Variants in LRWD1 observed in about 807,000 individuals in gnomAD.
The protein encoded by LRWD1 is leucine-rich repeat and WD repeat-containing protein 1.
A neutral mutation model predicts 75.6 loss-of-function variants in LRWD1; 76 were observed. The ratio of observed to expected loss-of-function variants is 1.01; its 90% confidence interval spans 0.84 to 1.22. The LOEUF is 1.22. LRWD1 is among the 50% of genes most tolerant of loss of function. The probability of loss-of-function intolerance (pLI) is 0.00; values close to 1 mark genes in which losing one functional copy is unlikely to be tolerated. For synonymous variants in LRWD1, 487 were observed against 377.0 expected, an observed-to-expected ratio of 1.29 and a Z score of -3.38; for missense variants, 917 against 862.0, an observed-to-expected ratio of 1.06 and a Z score of -0.80.
Position 102,472,552 on chromosome 7 carries a change from G to C in LRWD1, c.1633G>C (p.Ala545Pro). Residue 545 changes from alanine (A) to proline (P), a missense_variant, in exon 13 of 15, where the codon GCG becomes CCG. By Grantham distance (27) the Ala-to-Pro change is conservative. Transcript: ENST00000292616. Reference sequence around the variant, plus strand: ...GTCCACGGTGGCAGTGGTGGTCCTGGCGCGGCTGCAATGGTCGTCCACCGA... The same window carrying C: ...GTCCACGGTGGCAGTGGTGGTCCTGCCGCGGCTGCAATGGTCGTCCACCGA... ...SQSTVAVVVL[A>P]RLQWSSTELA... 6.3e-7 allele frequency: 1 copy of C among 1,595,140 alleles called. No homozygotes were observed. The highest frequency in any genetic ancestry group is 8.5e-7 in the Non-Finnish European group (1 of 1,172,122).
At position 102,473,026 on chromosome 7, in the gene LRWD1, G is replaced by T; in HGVS notation, c.1921G>T (p.Val641Leu). ...YLTALTDSNIVAIWGRM is the reference protein window; with the variant it reads ...YLTALTDSNILAIWGRM ...CACCGCCCTGACGGACTCCAACATC[G>T]TAGCCATCTGGGGGAGGATGTAGCC... Residue 641 changes from valine (V) to leucine (L), a missense_variant, in exon 15 of 15, where the codon GTA becomes TTA. By Grantham distance (32) the Val-to-Leu change is conservative (BLOSUM62 1). Coordinates refer to ENST00000292616, the MANE Select transcript of LRWD1 (RefSeq NM_152892.3). 6.2e-7 allele frequency: 1 copy of T among 1,613,718 alleles called. No individual in the cohort carries two copies. Among genetic ancestry groups the T allele is most frequent in the Non-Finnish European group, 8.5e-7 (1 of 1,179,852 alleles).
At chr7:102,465,328 G>A in intron 1 of LRWD1, 168 bp downstream of exon 1, 1 of 692,298 alleles carries the variant, frequency 1.4e-6, no homozygotes, top group Middle Eastern at 4.4e-4. Flanking sequence ...CGCTCGCCGG[G>A]AGCCCCGAGG....
At chr7:102,467,291 G>A (rs763550672) in intron 3 of LRWD1, 48 bp from the exon 4 acceptor site, 25 of 1,551,054 alleles carry the variant, frequency 1.6e-5, no homozygotes, top group East Asian at 2.4e-5. Context: ...GGCTGGGTCC[G>A]GAGGAGCTGG....
At position 102,472,516 on chromosome 7, in the gene LRWD1, C is replaced by T. The variant is rs761200453; in HGVS notation, c.1597C>T (p.Arg533Trp). ...GAGCTGGAGGCAGACGTGGGGGGGCCGGGGCAGCCAGTCCACGGTGGCAGT... is the reference window on the plus strand; with the variant it reads ...GAGCTGGAGGCAGACGTGGGGGGGCTGGGGCAGCCAGTCCACGGTGGCAGT... ...LWSWRQTWGG[R>W]GSQSTVAVVV... The change falls in exon 13 of 15, where the codon CGG becomes TGG. Residue 533 changes from arginine (R) to tryptophan (W), a missense_variant. Physicochemically the swap from Arg to Trp is moderately radical, Grantham distance 101. Coordinates refer to ENST00000292616, the MANE Select transcript of LRWD1 (RefSeq NM_152892.3). The T allele has an allele frequency of 3.1e-5, 49 of 1,559,738 alleles. No individual in the cohort carries two copies. The highest frequency in any genetic ancestry group is 3.6e-5 in the Non-Finnish European group (41 of 1,153,714).
chr7:102,468,492 G>A (rs978347450), intron 7 of LRWD1, 62 bp from the exon 8 acceptor site: 9 of 1,543,366 alleles, frequency 5.8e-6, no homozygotes, highest in Middle Eastern at 1.7e-4. Context: ...GGAGGAGGCT[G>A]CAGGGAGGAC....
Position 102,472,516 on chromosome 7 carries a change from CG to C in LRWD1, c.1601del (p.Gly534AlafsTer53). The C allele has an allele frequency of 6.4e-7, 1 of 1,559,832 alleles. No individual in the cohort carries two copies. On this transcript the variant is annotated frameshift_variant, in exon 13 of 15. Coordinates refer to ENST00000292616, the MANE Select transcript of LRWD1 (RefSeq NM_152892.3). LOFTEE classifies it high-confidence loss of function. Reference protein sequence around the residue: ...LWSWRQTWGGRGSQSTVAVVV... With the variant: ...LWSWRQTWGGXGSQSTVAVVV... ...GAGCTGGAGGCAGACGTGGGGGGGC[CG>C]GGGCAGCCAGTCCACGGTGGCAGTG...
intron 5 of LRWD1, 59 bp downstream of exon 5, chr7:102,467,882 C>T (rs1563654951): frequency 2.6e-6 from 4 of 1,531,372 alleles, no homozygotes; most frequent in Non-Finnish European, 3.5e-6. Flanking sequence ...GGAGAAGCTT[C>T]AGGAGACCAA....
chr7:102,467,174 GTGTGTGT>G lies in LRWD1; in HGVS notation c.433-164_433-158del, dbSNP rs1563654249. Among the ~76,000 whole-genome samples the G allele has an allele frequency of 2.1e-4, 17 of 80,076 alleles. 1 individual carries two copies. Among genetic ancestry groups the G allele is most frequent in the Non-Finnish European group, 2.9e-4 (11 of 38,146 alleles). 52.5% of individuals were successfully genotyped at this position (80,076 alleles called of 152,430 possible). ...GTTGTTGCTGGGGTGTGTGTGGGGT[GTGTGTGT>G]GTGTGTGTGTGTGTGTGTGTGTGTG... On this transcript the variant is annotated intron_variant, in intron 3 of 14. Coordinates refer to ENST00000292616, the MANE Select transcript of LRWD1 (RefSeq NM_152892.3).
In LRWD1 at chr7:102,468,920, G is replaced by C. The variant is rs1586740671; in HGVS notation, c.1086G>C (p.Trp362Cys). 3.7e-6 allele frequency: 6 copies of C among 1,612,910 alleles called. No individual in the cohort carries two copies. The highest frequency in any genetic ancestry group is 1.6e-4 in the Middle Eastern group (1 of 6,084). Residue 362 changes from tryptophan (W) to cysteine (C), a missense_variant, in exon 9 of 15, where the codon TGG becomes TGC. Physicochemically the swap from Trp to Cys is radical, Grantham distance 215. Coordinates refer to ENST00000292616, the MANE Select transcript of LRWD1 (RefSeq NM_152892.3). ...CACAGGCTGGCCACAAGAAGCGCTG[G>C]AGTGTGCTGGCGGCTGCAGGCCTAC... ...VVTQAGHKKR[W>C]SVLAAAGLRG...
intron 11 of LRWD1, chr7:102,471,057 C>T (rs111504887): frequency 0.062 from 9,390 of 152,344 alleles, 327 homozygotes; most frequent in Non-Finnish European, 0.074. Context: ...CTCAGCCTCC[C>T]AAGTAGCTGG....
At chr7:102,468,722 T>C (rs1767881419) in intron 8 of LRWD1, 68 bp downstream of exon 8, 2 of 1,532,638 alleles carry the variant, frequency 1.3e-6, no homozygotes, top group Non-Finnish European at 1.8e-6. Flanking sequence ...AGCATGGGGA[T>C]GGATGCAGGC....
rs144573118 is a variant in LRWD1 at position 102,468,280 on chromosome 7, G to T, written c.822G>T (p.Glu274Asp). The change falls in exon 7 of 15, where the codon GAG (glutamate) becomes GAT (aspartate). Residue 274 changes from glutamate (E) to aspartate (D), a missense_variant. Coordinates refer to ENST00000292616, the MANE Select transcript of LRWD1 (RefSeq NM_152892.3). Reference protein sequence around the residue: ...SDGSQPAVKLEPLHFLQCHSK... With the variant: ...SDGSQPAVKLDPLHFLQCHSK... ...CCCCACAGCCTGCTGTGAAGCTGGA[G>T]CCCCTGCACTTCCTGCAGTGCCACA... is the stretch of plus-strand genomic sequence containing the variant. 3.1e-6 allele frequency: 5 copies of T among 1,610,016 alleles called. No individual in the cohort carries two copies. The highest frequency in any genetic ancestry group is 3.4e-6 in the Non-Finnish European group (4 of 1,178,570).
intron 5 of LRWD1, 90 bp from the exon 6 acceptor site, chr7:102,467,972 T>A: frequency 6.5e-7 from 1 of 1,541,148 alleles, no homozygotes; most frequent in East Asian, 2.3e-5. Context: ...CTGGGCCTCC[T>A]GCATCCGCAG....
chr7:102,472,836 G>A (rs1052191672), intron 14 of LRWD1, 32 bp downstream of exon 14: 8 of 1,612,136 alleles, frequency 5.0e-6, no homozygotes, highest in Non-Finnish European at 6.8e-6. Context: ...CCAGGCTTGG[G>A]CTGGCAAGGC....
In LRWD1 at chr7:102,465,135, C is replaced by T. The variant is rs1488364495; in HGVS notation, c.55C>T (p.Arg19Trp). Residue 19 changes from arginine to tryptophan, a missense_variant, in exon 1 of 15, where the codon CGG becomes TGG. By Grantham distance (101) the Arg-to-Trp change is moderately radical (BLOSUM62 -3). Coordinates refer to ENST00000292616, the MANE Select transcript of LRWD1 (RefSeq NM_152892.3). ...LMQRGRPKSD[R>W]LGKIRSLDLS... is the part of the protein sequence containing the mutation. ...GCAGCGCGGGCGCCCCAAGAGCGAC[C>T]GGCTGGGGAAGATCCGGAGTCTGGA... is the stretch of plus-strand genomic sequence containing the variant. The T allele has an allele frequency of 3.3e-6, 5 of 1,517,196 alleles. No individual in the cohort carries two copies. Among genetic ancestry groups the T allele is most frequent in the Non-Finnish European group, 4.4e-6 (5 of 1,137,190 alleles). 94.0% of individuals were successfully genotyped at this position (1,517,196 alleles called of 1,614,324 possible).
At chr7:102,465,620 A>G in intron 1 of LRWD1, 197 bp from the exon 2 acceptor site, 1 of 501,494 alleles carries the variant, frequency 2.0e-6, no homozygotes, top group South Asian at 2.1e-5. Flanking sequence ...CAGGAGTTGG[A>G]GGCAGCTGTG....
intron 9 of LRWD1, among the ~76,000 whole-genome samples, 154 bp downstream of exon 9, chr7:102,469,216 T>C (rs1398614603): frequency 6.6e-6 from 1 of 152,182 alleles, no homozygotes; most frequent in African/African-American, 2.4e-5. Context: ...CAGGAAGCCA[T>C]GTCGCTTCAA....
At position 102,473,106 on chromosome 7, in the gene LRWD1, C is replaced by T; in HGVS notation, c.*57C>T. The T allele has an allele frequency of 6.7e-7, 1 of 1,483,440 alleles. No individual in the cohort carries two copies. Among genetic ancestry groups the T allele is most frequent in the Non-Finnish European group, 9.1e-7 (1 of 1,098,716 alleles). The allele number at this position is 1,483,440 out of a possible 1,614,324, so 91.9% of individuals were successfully genotyped here. On this transcript the variant is annotated 3_prime_UTR_variant, in exon 15 of 15. Coordinates refer to ENST00000292616, the MANE Select transcript of LRWD1 (RefSeq NM_152892.3). Reference sequence around the variant, plus strand: ...GCTAACTAACTTATTCAGCTTTGGGCCGATGGGGGTGGGGGGGGGTCTTTC... The same window carrying T: ...GCTAACTAACTTATTCAGCTTTGGGTCGATGGGGGTGGGGGGGGGTCTTTC...
intron 1 of LRWD1, 127 bp from the exon 2 acceptor site, chr7:102,465,690 G>A: frequency 1.5e-6 from 1 of 674,934 alleles, no homozygotes; most frequent in Non-Finnish European, 2.6e-6. Context: ...AAGTAACGGG[G>A]GGATGGGCGG....
Sources: gnomAD v4.1 joint callset for allele counts (sites outside exome capture counted in the v4.1 genomes callset) on GRCh38, gnomAD v4.1.1 for gene constraint, MANE v1.5 for transcripts, NCBI Gene and HGNC (gene_info 2026-07-23, HGNC 2026-07-21) for gene names.